The following EIF4E3 variants were observed in gnomAD, a reference collection of about 807,000 sequenced individuals.
EIF4E3 encodes the protein eukaryotic translation initiation factor 4E type 3.
EIF4E3 carries 26 observed loss-of-function variants against 31.7 expected under a neutral mutation model. The ratio of observed to expected loss-of-function variants is 0.82; its 90% CI spans 0.60 to 1.14. The LOEUF (loss-of-function observed/expected upper bound fraction) is 1.14, where lower values mean the gene tolerates loss of function less well. Among genes scored for constraint, EIF4E3 ranks in the 50% most tolerant of loss-of-function variants. The pLI, the probability that EIF4E3 is intolerant of heterozygous loss-of-function variation, is 0.00. For synonymous variants in EIF4E3, 128 were observed against 107.7 expected (o/e 1.19, Z -1.17); for missense variants, 304 against 270.9 (o/e 1.12, Z -0.86).
chr3:71,686,438 T>C (rs1487245235), intron 6 of EIF4E3, among the ~76,000 whole-genome samples: 1 of 151,994 alleles, frequency 6.6e-6, no homozygotes, highest in Non-Finnish European at 1.5e-5. Flanking sequence ...ACTTTATACC[T>C]CCCAGGTCAC....
intron 2 of EIF4E3, among the ~76,000 whole-genome samples, chr3:71,709,205 A>C (rs1393800741): frequency 6.6e-6 from 1 of 152,206 alleles, no homozygotes; most frequent in Non-Finnish European, 1.5e-5. Context: ...ATACAACAGG[A>C]AAGCTATTTA....
intron 1 of EIF4E3, among the ~76,000 whole-genome samples, chr3:71,741,194 G>GCACACACACA (rs147940981): frequency 0.019 from 2,836 of 149,282 alleles, 54 homozygotes; most frequent in African/African-American, 0.052. Context: ...ACATGCACGC[G>GCACACACACA]CACACACACA....
At position 71,677,083 on chromosome 3, in the gene EIF4E3, C is replaced by G. The variant is rs1293822813; in HGVS notation, c.*7599G>C. ...AGCCCTGCCATCTGTACAAATGGTA[C>G]CAGAGTTCAACATGCTTACGATTAT... On this transcript the variant is annotated 3_prime_UTR_variant, in exon 7 of 7. Transcript: ENST00000425534. The G allele has an allele frequency of 6.6e-6, 1 of 152,134 alleles. No individual in the cohort carries two copies. The highest frequency in any genetic ancestry group is 1.9e-4 in the East Asian group (1 of 5,196). The allele number at this position is 152,134 out of a possible 1,614,324, so 9.4% of individuals were successfully genotyped here.
downstream of EIF4E3, among the ~76,000 whole-genome samples, chr3:71,672,085 G>C (rs2048850004): frequency 6.6e-6 from 1 of 152,144 alleles, no homozygotes; most frequent in South Asian, 2.1e-4. Context: ...GTTGCATTTT[G>C]AAGCCATTAC....
the EIF4E3 span, among the ~76,000 whole-genome samples, chr3:71,668,236 C>A: frequency 6.6e-6 from 1 of 152,122 alleles, no homozygotes; most frequent in Non-Finnish European, 1.5e-5. Flanking sequence ...TTCCTTACAC[C>A]TTATACAAAA....
chr3:71,705,446 T>C lies in EIF4E3; in HGVS notation c.249+4966A>G, dbSNP rs78209853. Among the ~76,000 whole-genome samples the C allele has an allele frequency of 8.5e-3, 1,302 of 152,302 alleles. 16 individuals are homozygous for C. The highest frequency in any genetic ancestry group is 0.03 in the African/African-American group (1,241 of 41,556). Reference sequence around the variant, plus strand: ...ATTTCAATAGGTTATATATACTCTTTAGGAAGACTTTCTGCTTATGATAAA... The same window carrying C: ...ATTTCAATAGGTTATATATACTCTTCAGGAAGACTTTCTGCTTATGATAAA... On this transcript the variant is annotated intron_variant, in intron 2 of 6. Transcript: ENST00000425534.
intron 2 of EIF4E3, among the ~76,000 whole-genome samples, chr3:71,700,443 T>C (rs772807902): frequency 1.3e-5 from 2 of 151,896 alleles, no homozygotes; most frequent in African/African-American, 2.4e-5. Flanking sequence ...TGAAACCCCA[T>C]CTCTACTAAA....
downstream of EIF4E3, among the ~76,000 whole-genome samples, chr3:71,670,821 A>G (rs1378166718): frequency 6.6e-6 from 1 of 152,122 alleles, no homozygotes; most frequent in Non-Finnish European, 1.5e-5. Context: ...TAATCTTCAC[A>G]CTCTGTGGTG....
intron 1 of EIF4E3, among the ~76,000 whole-genome samples, chr3:71,751,306 G>A (rs2049927031): frequency 6.6e-6 from 1 of 152,154 alleles, no homozygotes; most frequent in Non-Finnish European, 1.5e-5. Flanking sequence ...AGTGGTGAAA[G>A]CGTGAACAAA....
the EIF4E3 span, among the ~76,000 whole-genome samples, chr3:71,659,705 A>G: frequency 0.1 from 15,809 of 152,252 alleles, 875 homozygotes; most frequent in African/African-American, 0.14. Context: ...TAGAAATGTA[A>G]TTCTCACACT....
At chr3:71,669,571 T>G in the EIF4E3 span, among the ~76,000 whole-genome samples, 1 of 152,120 alleles carries the variant, frequency 6.6e-6, no homozygotes, top group African/African-American at 2.4e-5. Flanking sequence ...AAATGGCTAT[T>G]GAGATTTGTT....
chr3:71,729,363 T>C (rs867522148), upstream of EIF4E3, among the ~76,000 whole-genome samples: 5 of 152,336 alleles, frequency 3.3e-5, no homozygotes, highest in Middle Eastern at 6.8e-3. Context: ...CCTCCATTGA[T>C]GGCCTCTGTC....
chr3:71,730,151 G>C (rs898735784), upstream of EIF4E3, among the ~76,000 whole-genome samples: 1 of 152,174 alleles, frequency 6.6e-6, no homozygotes, highest in Non-Finnish European at 1.5e-5. Context: ...CAATGGCTTG[G>C]AAAGGTAGGG....
intron 1 of EIF4E3, among the ~76,000 whole-genome samples, chr3:71,736,947 G>T (rs1469324722): frequency 2.0e-5 from 3 of 152,140 alleles, no homozygotes; most frequent in Non-Finnish European, 4.4e-5. Flanking sequence ...ACTCAATTTT[G>T]CTGTGAACCT....
At chr3:71,667,331 A>G in the EIF4E3 span, among the ~76,000 whole-genome samples, 1 of 152,236 alleles carries the variant, frequency 6.6e-6, no homozygotes, top group Non-Finnish European at 1.5e-5. Flanking sequence ...ATTCCCATTG[A>G]AAACTGGCAC....
intron 1 of EIF4E3, among the ~76,000 whole-genome samples, chr3:71,739,658 C>T (rs1054708610): frequency 6.6e-6 from 1 of 151,820 alleles, no homozygotes; most frequent in African/African-American, 2.4e-5. Context: ...GATGGCACCA[C>T]TACACTCTAG....
intron 2 of EIF4E3, among the ~76,000 whole-genome samples, chr3:71,704,524 T>C (rs1490937546): frequency 6.6e-6 from 1 of 152,020 alleles, no homozygotes; most frequent in Non-Finnish European, 1.5e-5. Flanking sequence ...TCTGGTGGGG[T>C]CGGGGGAAGG....
chr3:71,687,728 C>T (rs1377277966), intron 6 of EIF4E3, among the ~76,000 whole-genome samples: 3 of 152,208 alleles, frequency 2.0e-5, no homozygotes, highest in Admixed American at 6.5e-5. Flanking sequence ...TTATCAATGG[C>T]CCAATGCCCA....
At chr3:71,704,079 G>A (rs1559597586) in intron 2 of EIF4E3, among the ~76,000 whole-genome samples, 1 of 152,338 alleles carries the variant, frequency 6.6e-6, no homozygotes, top group East Asian at 1.9e-4. Flanking sequence ...ATTTACAAGA[G>A]CTAGGTACTT....
Sources: gnomAD v4.1 joint callset for allele counts (sites outside exome capture counted in the v4.1 genomes callset) on GRCh38, gnomAD v4.1.1 for gene constraint, MANE v1.5 for transcripts, NCBI Gene and HGNC (gene_info 2026-07-23, HGNC 2026-07-21) for gene names.